Variants in CPED1 observed in about 807,000 individuals in gnomAD.
CPED1 encodes cadherin-like and PC-esterase domain-containing protein 1.
In CPED1, 114 loss-of-function variants were observed where a neutral mutation model predicts 128.2. The observed-to-expected ratio is 0.89, with a 90% CI of 0.76 to 1.04. The LOEUF is 1.04. Among genes scored for constraint, CPED1 ranks in the 50% least tolerant of loss-of-function variants. The pLI is 0.00. For synonymous variants in CPED1, 462 were observed against 426.7 expected (o/e 1.08, Z -1.02); for missense variants, 1,211 against 1,207.1 (o/e 1.00, Z -0.05).
intron 2 of CPED1, among the ~76,000 whole-genome samples, chr7:121,007,579 A>G (rs1322673089): frequency 6.6e-6 from 1 of 152,192 alleles, no homozygotes; most frequent in Non-Finnish European, 1.5e-5. Context: ...GGGATGTCCA[A>G]GTCAGGGTCT....
intron 18 of CPED1, among the ~76,000 whole-genome samples, chr7:121,258,510 A>G (rs893043370): frequency 1.2e-4 from 19 of 152,222 alleles, no homozygotes; most frequent in Admixed American, 1.0e-3. Context: ...GAAAGAAGTT[A>G]ATTGAACTAG....
At chr7:121,207,908 A>G (rs1213622985) in intron 16 of CPED1, among the ~76,000 whole-genome samples, 1 of 151,850 alleles carries the variant, frequency 6.6e-6, no homozygotes, top group Non-Finnish European at 1.5e-5. Context: ...TTCCCCCTCT[A>G]CTTCAGTGCT....
At chr7:121,216,712 T>A (rs758683054) in intron 16 of CPED1, among the ~76,000 whole-genome samples, 3 of 152,012 alleles carry the variant, frequency 2.0e-5, no homozygotes, top group Admixed American at 6.6e-5. Flanking sequence ...TCCAATCACC[T>A]ATAGCCAAAA....
At chr7:121,245,852 G>A (rs1798515279) in intron 18 of CPED1, among the ~76,000 whole-genome samples, 1 of 151,884 alleles carries the variant, frequency 6.6e-6, no homozygotes, top group Non-Finnish European at 1.5e-5. Context: ...CACCACGCCT[G>A]GCTAATTTTT....
At chr7:121,073,356 G>A (rs1458029810) in intron 5 of CPED1, among the ~76,000 whole-genome samples, 1 of 152,120 alleles carries the variant, frequency 6.6e-6, no homozygotes, top group Non-Finnish European at 1.5e-5. Context: ...GTTTGGTTCT[G>A]CTGCCTCGGG....
intron 16 of CPED1, among the ~76,000 whole-genome samples, chr7:121,176,288 T>A (rs1796777971): frequency 6.7e-6 from 1 of 148,750 alleles, no homozygotes; most frequent in Non-Finnish European, 1.5e-5. Flanking sequence ...ATAATTGAAA[T>A]CAGGGAATAT....
At chr7:121,175,230 C>G (rs1796747547) in intron 16 of CPED1, among the ~76,000 whole-genome samples, 1 of 152,044 alleles carries the variant, frequency 6.6e-6, no homozygotes, top group Non-Finnish European at 1.5e-5. Flanking sequence ...CCTGATTGCT[C>G]TAGCTAGGAC....
chr7:121,148,593 T>A (rs1487568430), intron 16 of CPED1, among the ~76,000 whole-genome samples: 1 of 152,034 alleles, frequency 6.6e-6, no homozygotes, highest in Non-Finnish European at 1.5e-5. Flanking sequence ...AGAGAACAAC[T>A]AAAGAAATAG....
At chr7:121,073,806 CATTT>C (rs777511828) in intron 5 of CPED1, among the ~76,000 whole-genome samples, 1 of 67,318 alleles carries the variant, frequency 1.5e-5, no homozygotes, top group Non-Finnish European at 2.9e-5. Flanking sequence ...CACCTCTTCC[CATTT>C]TTTTTTTTTT....
At chr7:121,169,759 C>CGAAT (rs1204055662) in intron 16 of CPED1, among the ~76,000 whole-genome samples, 2 of 152,152 alleles carry the variant, frequency 1.3e-5, no homozygotes, top group Non-Finnish European at 2.9e-5. Flanking sequence ...TCTTTTCACT[C>CGAAT]TAAATTCAGG....
At chr7:121,047,044 C>T (rs1371708185) in intron 4 of CPED1, 51 bp downstream of exon 4, 1 of 1,107,928 alleles carries the variant, frequency 9.0e-7, no homozygotes, top group South Asian at 1.3e-5. Context: ...CAGATATTAA[C>T]ACTGGCATTT....
intron 21 of CPED1, among the ~76,000 whole-genome samples, chr7:121,268,295 G>A (rs146499300): frequency 6.6e-6 from 1 of 152,136 alleles, no homozygotes; most frequent in Non-Finnish European, 1.5e-5. Flanking sequence ...GCTCCTCACA[G>A]TAATTGGCAT....
At chr7:121,164,250 C>T (rs1016064694) in intron 16 of CPED1, among the ~76,000 whole-genome samples, 4 of 152,180 alleles carry the variant, frequency 2.6e-5, no homozygotes, top group Non-Finnish European at 5.9e-5. Flanking sequence ...CACAATTTGC[C>T]ACCCAATTCC....
intron 16 of CPED1, among the ~76,000 whole-genome samples, chr7:121,226,698 ATATT>A (rs1163448074): frequency 2.6e-5 from 4 of 152,126 alleles, no homozygotes; most frequent in Non-Finnish European, 5.9e-5. Context: ...ATCTCTCTTA[ATATT>A]AATTTACATA....
chr7:121,068,236 T>C (rs1280438097), intron 5 of CPED1, among the ~76,000 whole-genome samples: 1 of 152,236 alleles, frequency 6.6e-6, no homozygotes, highest in South Asian at 2.1e-4. Context: ...TCTAGTGCTT[T>C]TATGGTTTTA....
chr7:121,195,282 T>C (rs934104635), intron 16 of CPED1, among the ~76,000 whole-genome samples: 11 of 152,154 alleles, frequency 7.2e-5, no homozygotes, highest in African/African-American at 2.7e-4. Context: ...AGCTTGATTT[T>C]GAAGAAACAT....
chr7:121,161,975 G>A (rs1584559446), intron 16 of CPED1, among the ~76,000 whole-genome samples: 1 of 152,190 alleles, frequency 6.6e-6, no homozygotes, highest in South Asian at 2.1e-4. Context: ...ACCTCACACA[G>A]TAGAGCAGTC....
chr7:121,078,301 C>T (rs1032327461), intron 5 of CPED1, among the ~76,000 whole-genome samples: 4 of 151,988 alleles, frequency 2.6e-5, no homozygotes, highest in South Asian at 4.1e-4. Flanking sequence ...CCTTGGCCTC[C>T]CAAAGTGCTG....
intron 18 of CPED1, among the ~76,000 whole-genome samples, chr7:121,253,159 G>T (rs1404011363): frequency 6.6e-6 from 1 of 151,964 alleles, no homozygotes; most frequent in African/African-American, 2.4e-5. Flanking sequence ...CATGTCCTTT[G>T]TAGGGACATG....
Sources: gnomAD v4.1 joint callset for allele counts (sites outside exome capture counted in the v4.1 genomes callset) on GRCh38, gnomAD v4.1.1 for gene constraint, MANE v1.5 for transcripts, NCBI Gene and HGNC (gene_info 2026-07-23, HGNC 2026-07-21) for gene names.